CFAP54: variants seen among roughly 807,000 people sequenced by gnomAD.
CFAP54 encodes the protein cilia- and flagella-associated protein 54.
A neutral mutation model predicts 370.4 loss-of-function variants in CFAP54; 290 were observed. The ratio of observed to expected loss-of-function variants is 0.78; its 90% CI spans 0.71 to 0.86. CFAP54 has a LOEUF of 0.86. Ranked by LOEUF, CFAP54 falls within the 40% of genes least tolerant of loss-of-function variation. CFAP54 has a pLI of 0.00. For synonymous variants in CFAP54, 1,206 were observed against 1,236.5 expected (o/e 0.98, Z 0.52); for missense variants, 3,399 against 3,528.7 (o/e 0.96, Z 0.93).
chr12:96,746,766 T>A (rs1565963243), intron 55 of CFAP54, among the ~76,000 whole-genome samples: 1 of 152,102 alleles, frequency 6.6e-6, no homozygotes, highest in Non-Finnish European at 1.5e-5. Context: ...GCTTTACACC[T>A]TTGCACATGC....
intron 60 of CFAP54, among the ~76,000 whole-genome samples, chr12:96,780,364 AATTAAG>A (rs1159923575): frequency 1.3e-5 from 2 of 152,138 alleles, no homozygotes; most frequent in African/African-American, 2.4e-5. Flanking sequence ...GTGAGGCTGA[AATTAAG>A]ATTAACTTTT....
At chr12:96,699,161 G>T (rs577786744) in intron 45 of CFAP54, among the ~76,000 whole-genome samples, 1 of 152,176 alleles carries the variant, frequency 6.6e-6, no homozygotes, top group South Asian at 2.1e-4. Flanking sequence ...AAGTAACAAA[G>T]TTATACTTCT....
chr12:96,702,223 GAGCAT>G (rs1185172109), intron 46 of CFAP54, among the ~76,000 whole-genome samples: 6 of 151,898 alleles, frequency 4.0e-5, no homozygotes, highest in Non-Finnish European at 7.4e-5. Context: ...CTCCAGATAG[GAGCAT>G]GTTAAGTATG....
At chr12:96,777,013 G>A (rs896881387) in intron 60 of CFAP54, among the ~76,000 whole-genome samples, 1 of 152,110 alleles carries the variant, frequency 6.6e-6, no homozygotes, top group East Asian at 1.9e-4. Context: ...ATCTTTGGCA[G>A]CACACCCGTC....
At chr12:96,553,952 A>G (rs930750145) in intron 15 of CFAP54, among the ~76,000 whole-genome samples, 1 of 152,124 alleles carries the variant, frequency 6.6e-6, no homozygotes, top group African/African-American at 2.4e-5. Context: ...TGAAAGGTTT[A>G]ATTTGTATTT....
chr12:96,811,954 C>A (rs527664110), intron 64 of CFAP54, 112 bp downstream of exon 64: 2 of 578,398 alleles, frequency 3.5e-6, no homozygotes, highest in Non-Finnish European at 5.8e-6. Context: ...AGGCACTTCG[C>A]GAAGAATCTT....
At chr12:96,636,921 A>G (rs899643632) in intron 32 of CFAP54, among the ~76,000 whole-genome samples, 2 of 152,148 alleles carry the variant, frequency 1.3e-5, no homozygotes, top group East Asian at 1.9e-4. Context: ...CATGCCAACA[A>G]TTTACCCCAG....
At chr12:96,739,899 C>G in intron 50 of CFAP54, 57 bp from the exon 51 acceptor site, 1 of 1,048,218 alleles carries the variant, frequency 9.5e-7, no homozygotes, top group Non-Finnish European at 1.4e-6. Context: ...TAGGAAATAA[C>G]ATACAGATGC....
At chr12:96,735,456 C>G (rs1957969432) in intron 50 of CFAP54, among the ~76,000 whole-genome samples, 2 of 152,146 alleles carry the variant, frequency 1.3e-5, no homozygotes, top group Non-Finnish European at 2.9e-5. Flanking sequence ...AGGAACTACT[C>G]CAGCCAACAG....
At chr12:96,494,915 C>T (rs942546440) in intron 1 of CFAP54, among the ~76,000 whole-genome samples, 4 of 151,950 alleles carry the variant, frequency 2.6e-5, no homozygotes, top group African/African-American at 7.3e-5. Flanking sequence ...TTAGTAGAGA[C>T]GGAGTTTCAC....
intron 21 of CFAP54, 30 bp from the exon 22 acceptor site, chr12:96,580,890 G>A: frequency 2.2e-6 from 3 of 1,375,766 alleles, no homozygotes; most frequent in Non-Finnish European, 2.9e-6. Flanking sequence ...AATTTTTCAT[G>A]TATAACTTGA....
chr12:96,706,156 T>C (rs1957545761), intron 47 of CFAP54, among the ~76,000 whole-genome samples: 1 of 152,152 alleles, frequency 6.6e-6, no homozygotes, highest in Non-Finnish European at 1.5e-5. Flanking sequence ...ATGGAGCTTG[T>C]ATTTTAATGG....
At chr12:96,734,249 C>T (rs1957955761) in intron 50 of CFAP54, among the ~76,000 whole-genome samples, 1 of 152,098 alleles carries the variant, frequency 6.6e-6, no homozygotes, top group Non-Finnish European at 1.5e-5. Flanking sequence ...AGTCTCTCCC[C>T]ACCTCTCCTG....
chr12:96,532,177 TGTG>T (rs1413730087), intron 9 of CFAP54, among the ~76,000 whole-genome samples: 4 of 152,238 alleles, frequency 2.6e-5, no homozygotes, highest in Non-Finnish European at 5.9e-5. Flanking sequence ...TCTTGCTTCT[TGTG>T]GTAAAGGATG....
At chr12:96,788,854 T>G (rs930550158) in intron 62 of CFAP54, among the ~76,000 whole-genome samples, 5 of 152,192 alleles carry the variant, frequency 3.3e-5, no homozygotes, top group African/African-American at 1.2e-4. Context: ...GAAAGCACAC[T>G]GGAAGATTTT....
At chr12:96,665,757 C>A (rs190761070) in intron 39 of CFAP54, among the ~76,000 whole-genome samples, 7 of 152,250 alleles carry the variant, frequency 4.6e-5, no homozygotes, top group Non-Finnish European at 7.4e-5. Context: ...TAGTGTGATG[C>A]CTCCAGCTTT....
rs373068886 is a variant in CFAP54 at position 96,658,077 on chromosome 12, C to G, written c.5296C>G (p.Leu1766Val). ...QVEKWETLVS[L>V]AIQFNTVSHE... ...GGAAAAATGGGAAACACTAGTATCTCTTGCCATTCAGTTCAATACAGTTTC... is the reference window on the plus strand; with the variant it reads ...GGAAAAATGGGAAACACTAGTATCTGTTGCCATTCAGTTCAATACAGTTTC... Residue 1766 changes from leucine (L) to valine (V), a missense_variant, in exon 37 of 68, where the codon CTT (leucine) becomes GTT (valine). Leu to Val is a conservative substitution (Grantham distance 32). This residue lies in a region of CFAP54 where 2,796 missense variants were observed against 2,869.7 expected (regional missense o/e 0.97). Coordinates refer to ENST00000524981, the MANE Select transcript of CFAP54 (RefSeq NM_001306084.2). The G allele has an allele frequency of 1.4e-4, 224 of 1,613,326 alleles. No individual in the cohort carries two copies. Among genetic ancestry groups the G allele is most frequent in the Non-Finnish European group, 1.9e-4 (219 of 1,179,752 alleles).
At chr12:96,796,026 T>A (rs1299104446) in intron 63 of CFAP54, among the ~76,000 whole-genome samples, 1 of 152,174 alleles carries the variant, frequency 6.6e-6, no homozygotes, top group Non-Finnish European at 1.5e-5. Context: ...CAGCTCCAAG[T>A]AAGGTCACAT....
chr12:96,503,738 A>G (rs1253723416), intron 2 of CFAP54, 148 bp from the exon 3 acceptor site: 2 of 628,622 alleles, frequency 3.2e-6, no homozygotes, highest in African/African-American at 3.7e-5. Flanking sequence ...TGTCTCTCAC[A>G]TACTATGTTT....
Sources: allele counts gnomAD v4.1 joint callset (sites outside exome capture counted in the v4.1 genomes callset), GRCh38; gene constraint gnomAD v4.1.1; regional missense constraint gnomAD v4.1.1; transcripts MANE v1.5; gene names NCBI Gene and HGNC (gene_info 2026-07-23, HGNC 2026-07-21).